CFAP92: variants seen among roughly 807,000 people sequenced by gnomAD.
CFAP92 encodes the protein cilia and flagella associated protein 92 (putative), also known as uncharacterized protein CFAP92.
A neutral mutation model predicts 106.3 loss-of-function variants in CFAP92; 86 were observed. The observed-to-expected ratio is 0.81, with a 90% CI of 0.68 to 0.97. The LOEUF is 0.97. Ranked by LOEUF, CFAP92 falls within the 50% of genes least tolerant of loss-of-function variation. The pLI, the probability that CFAP92 is intolerant of heterozygous loss-of-function variation, is 0.00. For synonymous variants in CFAP92, 477 were observed against 506.4 expected (o/e 0.94, Z 0.78); for missense variants, 1,204 against 1,283.8 (o/e 0.94, Z 0.95).
At chr3:128,915,627 G>T in intron 13 of CFAP92, 64 bp from the exon 14 acceptor site, 1 of 1,115,126 alleles carries the variant, frequency 9.0e-7, no homozygotes, top group Non-Finnish European at 1.2e-6. Context: ...TTATTTCCAA[G>T]TAGGAATCAG....
At chr3:128,916,330 C>A in intron 12 of CFAP92, 59 bp from the exon 13 acceptor site, 1 of 1,125,566 alleles carries the variant, frequency 8.9e-7, no homozygotes, top group Non-Finnish European at 1.1e-6. Flanking sequence ...CCCATGCCAG[C>A]TCATATGCAG....
At chr3:128,956,892 A>G (rs922534025) in intron 9 of CFAP92, among the ~76,000 whole-genome samples, 1 of 149,654 alleles carries the variant, frequency 6.7e-6, no homozygotes, top group Non-Finnish European at 1.5e-5. Context: ...AGGCAGGAGA[A>G]TCACTTGAAC....
At chr3:128,915,088 A>G in intron 15 of CFAP92, 31 bp downstream of exon 15, 1 of 1,530,006 alleles carries the variant, frequency 6.5e-7, no homozygotes, top group Non-Finnish European at 8.8e-7. Context: ...CGGCATCAGG[A>G]GGCCCAGCTT....
At chr3:128,912,438 C>G in intron 15 of CFAP92, 2 of 1,433,990 alleles carry the variant, frequency 1.4e-6, no homozygotes, top group East Asian at 4.6e-5. Flanking sequence ...AAAAATGCCC[C>G]CACTTCAGCC....
rs916409861 is a variant in CFAP92, at chr3:128,989,022, C to CA, written c.263-105dup. The CA allele has an allele frequency of 2.8e-5, 24 of 852,534 alleles. No homozygotes were observed. The African/African-American group carries it at 4.1e-4, about 15-fold the overall frequency. 52.8% of individuals were successfully genotyped at this position (852,534 alleles called of 1,614,324 possible). On this transcript the variant is annotated intron_variant, in intron 2 of 15. Coordinates refer to ENST00000645291, the MANE Select transcript of CFAP92 (RefSeq NM_001394090.1). The stretch of plus-strand genomic sequence containing the variant: ...TGATGTTGTGAGAGGCTGAGCACTC[C>CA]ACATTGCCTGCCCGACTTGGGGAAG...
intron 12 of CFAP92, among the ~76,000 whole-genome samples, chr3:128,922,324 T>A (rs1347906664): frequency 6.6e-6 from 1 of 150,476 alleles, no homozygotes; most frequent in Admixed American, 6.6e-5. Context: ...GCCTGGGCAA[T>A]AGAGCAAGGC....
chr3:128,912,080 G>A (rs1291213713), intron 15 of CFAP92, among the ~76,000 whole-genome samples: 2 of 152,250 alleles, frequency 1.3e-5, no homozygotes, highest in South Asian at 2.1e-4. Flanking sequence ...AGTGATGGGT[G>A]TAGGCGCCAG....
At chr3:128,935,044 G>T in intron 11 of CFAP92, 81 bp downstream of exon 11, 1 of 1,175,216 alleles carries the variant, frequency 8.5e-7, no homozygotes, top group Non-Finnish European at 1.2e-6. Flanking sequence ...GGATGCCCCA[G>T]CTTGCCTGTT....
chr3:128,985,825 A>G (rs2107809611), intron 4 of CFAP92, among the ~76,000 whole-genome samples: 1 of 152,308 alleles, frequency 6.6e-6, no homozygotes, highest in African/African-American at 2.4e-5. Flanking sequence ...GTGTAGGTAT[A>G]TATATCAGTG....
intron 9 of CFAP92, among the ~76,000 whole-genome samples, chr3:128,961,517 G>A (rs1013020254): frequency 2.6e-5 from 4 of 152,060 alleles, no homozygotes; most frequent in African/African-American, 9.7e-5. Flanking sequence ...TCCGTGACTA[G>A]CCCTCCCCCA....
At chr3:128,935,894 TTAAC>T (rs1158201888) in intron 10 of CFAP92, among the ~76,000 whole-genome samples, 13 of 152,094 alleles carry the variant, frequency 8.5e-5, no homozygotes, top group African/African-American at 2.7e-4. Context: ...GTATAAAAAA[TTAAC>T]TAAAAGGATA....
chr3:128,968,736 A>C (rs561586335), intron 8 of CFAP92: 1 of 152,458 alleles, frequency 6.6e-6, no homozygotes, highest in Admixed American at 6.5e-5. Context: ...GCCATGATCA[A>C]AGTGTTTTGG....
At chr3:128,929,745 T>C (rs764313983) in intron 12 of CFAP92, among the ~76,000 whole-genome samples, 20 of 152,152 alleles carry the variant, frequency 1.3e-4, no homozygotes, top group Admixed American at 2.0e-4. Context: ...AGAAAGTAGA[T>C]CAGTGGTTAT....
intron 12 of CFAP92, among the ~76,000 whole-genome samples, chr3:128,929,024 A>G (rs1938027621): frequency 6.6e-6 from 1 of 152,216 alleles, no homozygotes; most frequent in Non-Finnish European, 1.5e-5. Flanking sequence ...TCGGGAAGCC[A>G]ACGTGGGAGG....
chr3:128,950,849 G>A (rs958302825), intron 9 of CFAP92, among the ~76,000 whole-genome samples: 1 of 152,176 alleles, frequency 6.6e-6, no homozygotes, highest in East Asian at 1.9e-4. Context: ...AGGGAAAGCA[G>A]GCATTCAGCA....
At position 128,910,343 on chromosome 3, in the gene CFAP92, G is replaced by GA. The variant is rs770559354; in HGVS notation, c.3281-11dup. 12 of 1,471,108 alleles carry GA rather than the reference G, an allele frequency of 8.2e-6. No homozygotes were observed. Among genetic ancestry groups the GA allele is most frequent in the Non-Finnish European group, 1.1e-5 (12 of 1,114,088 alleles). 91.1% of individuals were successfully genotyped at this position (1,471,108 alleles called of 1,614,324 possible). A position where few individuals can be genotyped will look rare whatever the true frequency, so the allele number is the denominator to read the frequency against. ...CCTTTCTTCTTCCTGACTGAGAGAAGAGGGGGTGAGTGACAGGGGTTCCTG... is the reference window on the plus strand; with the variant it reads ...CCTTTCTTCTTCCTGACTGAGAGAAGAAGGGGGTGAGTGACAGGGGTTCCTG... On this transcript the variant is annotated splice_polypyrimidine_tract_variant and intron_variant, in intron 15 of 15. Transcript: ENST00000645291.
intron 12 of CFAP92, among the ~76,000 whole-genome samples, chr3:128,916,707 A>T (rs1426192719): frequency 3.3e-5 from 5 of 152,242 alleles, no homozygotes; most frequent in African/African-American, 4.8e-5. Context: ...CAGCAGGCCC[A>T]GTAAGGAAAT....
intron 8 of CFAP92, among the ~76,000 whole-genome samples, chr3:128,966,239 T>C (rs1942353592): frequency 6.6e-6 from 1 of 152,252 alleles, no homozygotes; most frequent in Non-Finnish European, 1.5e-5. Context: ...AGTACCCTCA[T>C]GTGGCTATGG....
chr3:128,912,160 C>G (rs1253007394), intron 15 of CFAP92, among the ~76,000 whole-genome samples: 4 of 152,082 alleles, frequency 2.6e-5, no homozygotes, highest in Non-Finnish European at 5.9e-5. Context: ...GCCCAGACAC[C>G]CCCCCAGTGC....
Sources: gnomAD v4.1 joint callset for allele counts (sites outside exome capture counted in the v4.1 genomes callset) on GRCh38, gnomAD v4.1.1 for gene constraint, MANE v1.5 for transcripts, NCBI Gene and HGNC (gene_info 2026-07-23, HGNC 2026-07-21) for gene names.